Variants in DPP8 observed in about 807,000 individuals in gnomAD.
DPP8 encodes dipeptidyl peptidase 8, also known as DPP VIII.
In DPP8, 31 loss-of-function variants were observed where a neutral mutation model predicts 107.5. That is an observed-to-expected ratio of 0.29 (90% CI 0.22 to 0.39). The LOEUF (loss-of-function observed/expected upper bound fraction) is 0.39. DPP8 is among the 10% of genes least tolerant of loss of function. DPP8 has a pLI of 1.00. For synonymous variants in DPP8, 381 were observed against 356.6 expected, an observed-to-expected ratio of 1.07 and a Z score of -0.77; for missense variants, 842 against 1,076.1, an observed-to-expected ratio of 0.78 and a Z score of 3.04.
At chr15:65,487,956 A>C in intron 6 of DPP8, 138 bp from the exon 7 acceptor site, 2 of 637,124 alleles carry the variant, frequency 3.1e-6, no homozygotes, top group South Asian at 2.1e-5. Context: ...TTTGTAGGAA[A>C]ATATCACTAG....
Position 65,481,558 on chromosome 15 carries a change from C to T in DPP8, c.1075G>A (p.Val359Ile). Residue 359 changes from valine (V) to isoleucine (I), a missense_variant, in exon 9 of 20, where the codon GTT becomes ATT. Val to Ile is a conservative substitution (Grantham distance 29, BLOSUM62 3). Around this residue, in one of 2 missense-constraint regions of DPP8, gnomAD observed 663 missense variants for 758.0 expected, o/e 0.87. Coordinates refer to ENST00000300141, the MANE Select transcript of DPP8 (RefSeq NM_130434.5). ...CATCCAGCTCTGGCAATATATTCAACTCCTTCAAATAGAATCTCAAAAGGT... is the reference window on the plus strand; with the variant it reads ...CATCCAGCTCTGGCAATATATTCAATTCCTTCAAATAGAATCTCAAAAGGT... ...IQPFEILFEG[V>I]EYIARAGWTP... 6.3e-7 allele frequency: 1 copy of T among 1,594,416 alleles called. No individual in the cohort carries two copies. Among genetic ancestry groups the T allele is most frequent in the Non-Finnish European group, 8.5e-7 (1 of 1,172,330 alleles).
chr15:65,510,818 T>G (rs750595901), intron 2 of DPP8, among the ~76,000 whole-genome samples: 6 of 152,160 alleles, frequency 3.9e-5, no homozygotes, highest in Non-Finnish European at 1.5e-5. Flanking sequence ...GGAATACAGG[T>G]GTGTGCCACT....
intron 11 of DPP8, chr15:65,475,303 T>C: frequency 1.3e-6 from 1 of 756,886 alleles, no homozygotes. Flanking sequence ...ACCCCAGTGG[T>C]AGGTGGAAGT....
intron 3 of DPP8, among the ~76,000 whole-genome samples, chr15:65,503,861 G>A (rs1334956343): frequency 6.6e-6 from 1 of 151,948 alleles, no homozygotes; most frequent in Non-Finnish European, 1.5e-5. Flanking sequence ...CTGACTTCAA[G>A]TGATCCACCC....
chr15:65,497,082 G>T (rs934573448), intron 5 of DPP8, among the ~76,000 whole-genome samples: 1 of 151,944 alleles, frequency 6.6e-6, no homozygotes, highest in Non-Finnish European at 1.5e-5. Flanking sequence ...TAGAGACAGG[G>T]TTTCATCACG....
At chr15:65,471,703 G>C (rs2065914106) in intron 12 of DPP8, among the ~76,000 whole-genome samples, 1 of 151,934 alleles carries the variant, frequency 6.6e-6, no homozygotes, top group South Asian at 2.1e-4. Context: ...GTCCAGGCTG[G>C]TATCTAATTC....
At chr15:65,511,639 C>CA (rs373452327) in intron 2 of DPP8, among the ~76,000 whole-genome samples, 95,745 of 110,368 alleles carry the variant, frequency 0.87, 41,372 homozygotes, top group East Asian at 0.92. Context: ...GACCCTGTCT[C>CA]AAAAAAAAAA....
At chr15:65,455,773 G>C (rs2064361702) in intron 16 of DPP8, 1 of 1,288,392 alleles carries the variant, frequency 7.8e-7, no homozygotes, top group Non-Finnish European at 1.0e-6. Context: ...AGGAACATCG[G>C]ATTCTCATCA....
chr15:65,448,671 CAAAAAA>C (rs56658742), intron 19 of DPP8, among the ~76,000 whole-genome samples: 5 of 57,418 alleles, frequency 8.7e-5, no homozygotes, highest in African/African-American at 3.6e-4. Flanking sequence ...AACTCCATCT[CAAAAAA>C]AAAAAAAAAA....
chr15:65,465,970 A>C (rs752308066), intron 14 of DPP8, among the ~76,000 whole-genome samples: 1 of 152,182 alleles, frequency 6.6e-6, no homozygotes, highest in South Asian at 2.1e-4. Context: ...AAGTGCTTCA[A>C]AAGTTTAAGA....
In DPP8 at chr15:65,475,585, C is replaced by T. The variant is rs544821752; in HGVS notation, c.1457-1297G>A. On this transcript the variant is annotated intron_variant, in intron 11 of 19. Transcript: ENST00000300141. ...AATTAGGACTGGCTTGACTCCCTGGCACTTCTGAGGTAGCCATATCAGCTA... is the reference window on the plus strand; with the variant it reads ...AATTAGGACTGGCTTGACTCCCTGGTACTTCTGAGGTAGCCATATCAGCTA... 2.6e-6 allele frequency: 3 copies of T among 1,168,298 alleles called. No homozygotes were observed. The African/African-American group carries it at 4.5e-5, about 18-fold the overall frequency. The allele number at this position is 1,168,298 out of a possible 1,614,324, so 72.4% of individuals were successfully genotyped here. A position where few individuals can be genotyped will look rare whatever the true frequency, so the allele number is the denominator to read the frequency against.
chr15:65,480,426 C>T, intron 9 of DPP8, 27 bp from the exon 10 acceptor site: 1 of 1,566,346 alleles, frequency 6.4e-7, no homozygotes, highest in Non-Finnish European at 8.7e-7. Context: ...AAGAGAAGAA[C>T]CAGAAATAAA....
At chr15:65,494,124 T>G (rs1250966667) in intron 5 of DPP8, among the ~76,000 whole-genome samples, 1 of 150,572 alleles carries the variant, frequency 6.6e-6, no homozygotes, top group Non-Finnish European at 1.5e-5. Context: ...AATGGTAGAC[T>G]TGAAATTCAA....
chr15:65,452,439 A>G (rs1365793231), intron 17 of DPP8, among the ~76,000 whole-genome samples: 3 of 152,126 alleles, frequency 2.0e-5, no homozygotes, highest in Non-Finnish European at 2.9e-5. Flanking sequence ...GTTTTATGTA[A>G]AAAAGGAGCC....
chr15:65,452,184 C>T, intron 17 of DPP8, 82 bp from the exon 18 acceptor site: 7 of 1,479,364 alleles, frequency 4.7e-6, no homozygotes, highest in Non-Finnish European at 6.4e-6. Flanking sequence ...TGCAAATTTA[C>T]AGTCTAAAAT....
rs1390932299 is a variant in DPP8, at chr15:65,469,729, G to A, written c.1537-2506C>T. On this transcript the variant is annotated intron_variant, in intron 12 of 19. Transcript: ENST00000300141. Reference sequence around the variant, plus strand: ...TGGATGCCCATAATCCCAGCTACTCGGGAGGCTGAGGCATAAGAATCCCTT... The same window carrying A: ...TGGATGCCCATAATCCCAGCTACTCAGGAGGCTGAGGCATAAGAATCCCTT... 5.3e-5 allele frequency among the ~76,000 whole-genome samples: 8 copies of A among 151,294 alleles called. No individual in the cohort carries two copies. The East Asian group carries it at 5.8e-4, about 11-fold the overall frequency.
At chr15:65,499,014 T>G (rs555766905) in intron 4 of DPP8, among the ~76,000 whole-genome samples, 83 of 151,286 alleles carry the variant, frequency 5.5e-4, no homozygotes, top group Middle Eastern at 3.4e-3. Context: ...GCCATGATCT[T>G]GCCACTGCAC....
chr15:65,466,156 T>C (rs1214220854), intron 14 of DPP8, among the ~76,000 whole-genome samples: 1 of 152,182 alleles, frequency 6.6e-6, no homozygotes, highest in Non-Finnish European at 1.5e-5. Context: ...CTTTATTTGT[T>C]GAGACAAGGT....
intron 15 of DPP8, 126 bp downstream of exon 15, chr15:65,463,635 C>T (rs12595213): frequency 0.11 from 78,700 of 714,432 alleles, 5,172 homozygotes; most frequent in Non-Finnish European, 0.13. Context: ...GAATATAAGA[C>T]GGAGTCATTA....
Sources: gnomAD v4.1 joint callset for allele counts (sites outside exome capture counted in the v4.1 genomes callset) on GRCh38, gnomAD v4.1.1 for gene constraint, gnomAD v4.1.1 regional missense constraint, MANE v1.5 for transcripts, NCBI Gene and HGNC (gene_info 2026-07-23, HGNC 2026-07-21) for gene names.